Variants in LANCL3 observed in about 807,000 individuals in gnomAD.
The protein encoded by LANCL3 is LanC like family member 3.
LANCL3 carries 19 observed loss-of-function variants against 26.5 expected under a neutral mutation model. That is an observed-to-expected ratio of 0.72 (90% confidence interval 0.50 to 1.05). The LOEUF (loss-of-function observed/expected upper bound fraction) is 1.05, where lower values mean the gene tolerates loss of function less well. LANCL3 is among the 50% of genes least tolerant of loss of function. LANCL3 has a pLI of 0.00. For missense variants in LANCL3, 318 were observed against 362.7 expected (o/e 0.88, Z 1.00); for synonymous variants, 160 against 166.6 (o/e 0.96, Z 0.30).
intron 1 of LANCL3, among the ~76,000 whole-genome samples, chrX:37,574,976 A>G (rs1347268392): frequency 9.2e-6 from 1 of 108,378 alleles, no homozygotes; most frequent in Admixed American, 9.9e-5. Flanking sequence ...CCCAGGCTGG[A>G]GTGCAGTGGT....
chrX:37,659,472 C>T lies in LANCL3; in HGVS notation c.708C>T (p.His236=), dbSNP rs782377791. 36 of 1,206,212 alleles carry T rather than the reference C, an allele frequency of 3.0e-5. No homozygotes were observed. The highest frequency in any genetic ancestry group is 5.3e-5 in the African/African-American group (3 of 57,060). Residue 236 remains histidine, a synonymous_variant, in exon 3 of 5, where the codon CAC becomes CAT. Coordinates refer to ENST00000378619, the MANE Select transcript of LANCL3 (RefSeq NM_001170331.2). ...YYGTEYLGAA[H]GLSSILQMLL... ...TGTTTGTTAATACAGGGGCAGCTCA[C>T]GGCTTGTCGTCTATTCTTCAGATGC... is the stretch of plus-strand genomic sequence containing the variant.
intron 1 of LANCL3, among the ~76,000 whole-genome samples, chrX:37,641,342 A>T (rs1556425894): frequency 9.1e-6 from 1 of 110,147 alleles, no homozygotes; most frequent in Non-Finnish European, 1.9e-5. Context: ...GCAGATGAAT[A>T]CAGTGAAGCC....
chrX:37,665,346 T>C (rs921959163), intron 3 of LANCL3, among the ~76,000 whole-genome samples: 4 of 111,760 alleles, frequency 3.6e-5, no homozygotes, highest in African/African-American at 1.3e-4. Flanking sequence ...CCTGCCTCCA[T>C]GTCTTTGCCC....
chrX:37,669,429 T>G (rs1361281589), intron 4 of LANCL3, among the ~76,000 whole-genome samples: 2 of 111,074 alleles, frequency 1.8e-5, no homozygotes, highest in African/African-American at 6.6e-5. Context: ...AAGTAGGAGG[T>G]GATTGGATCC....
intron 3 of LANCL3, among the ~76,000 whole-genome samples, chrX:37,660,782 G>C (rs1357538581): frequency 1.8e-5 from 2 of 111,112 alleles, no homozygotes; most frequent in African/African-American, 3.3e-5. Context: ...GGGGGGTACA[G>C]TTTGAGTTGA....
chrX:37,616,821 A>G (rs1049933559), intron 1 of LANCL3, among the ~76,000 whole-genome samples: 1 of 111,786 alleles, frequency 8.9e-6, no homozygotes, highest in African/African-American at 3.3e-5. Flanking sequence ...CCAGCACATC[A>G]GTATCATCTA....
At chrX:37,661,391 A>G (rs1193011132) in intron 3 of LANCL3, among the ~76,000 whole-genome samples, 1 of 111,957 alleles carries the variant, frequency 8.9e-6, no homozygotes, top group African/African-American at 3.2e-5. Context: ...ATCCTCCTTT[A>G]TCATTCATGT....
At chrX:37,593,071 T>C (rs1391471837) in intron 1 of LANCL3, among the ~76,000 whole-genome samples, 1 of 111,900 alleles carries the variant, frequency 8.9e-6, no homozygotes, top group Admixed American at 9.5e-5. Context: ...AGTGTGAAAG[T>C]AGAAAACATA....
At chrX:37,600,263 C>T (rs1924543543) in intron 1 of LANCL3, among the ~76,000 whole-genome samples, 1 of 111,855 alleles carries the variant, frequency 8.9e-6, no homozygotes, top group Non-Finnish European at 1.9e-5. Flanking sequence ...TTGTTAATCT[C>T]ATACTATGAC....
intron 1 of LANCL3, among the ~76,000 whole-genome samples, chrX:37,618,973 A>G (rs1205749363): frequency 9.1e-6 from 1 of 110,459 alleles, no homozygotes; most frequent in South Asian, 3.9e-4. Flanking sequence ...TTCTCCTCTC[A>G]CTCTTAATCC....
At chrX:37,630,581 G>A (rs1402646942) in intron 1 of LANCL3, among the ~76,000 whole-genome samples, 1 of 109,307 alleles carries the variant, frequency 9.1e-6, no homozygotes, top group African/African-American at 3.4e-5. Flanking sequence ...GATATTGGCT[G>A]TGTGTTTGTC....
intron 1 of LANCL3, among the ~76,000 whole-genome samples, chrX:37,586,742 A>C (rs1247254914): frequency 7.2e-5 from 8 of 111,739 alleles, no homozygotes; most frequent in Non-Finnish European, 1.1e-4. Flanking sequence ...ATGGGTTCAA[A>C]CTTCCCCCTT....
chrX:37,646,460 G>T (rs950018761), intron 1 of LANCL3, among the ~76,000 whole-genome samples: 1 of 112,552 alleles, frequency 8.9e-6, no homozygotes, highest in Admixed American at 9.4e-5. Flanking sequence ...TAACCTAGTG[G>T]ATTCCAAGTG....
At chrX:37,614,335 T>C in intron 1 of LANCL3, among the ~76,000 whole-genome samples, 1 of 111,577 alleles carries the variant, frequency 9.0e-6, no homozygotes, top group African/African-American at 3.3e-5. Flanking sequence ...ACCTGGGTAT[T>C]AGTATTTCTG....
chrX:37,680,500 T>C lies in LANCL3; in HGVS notation c.*4687T>C, dbSNP rs1233642047. ...CTTCCACAAATGGCAAAGTCACTTA[T>C]CTGCAGAATTCCCAGAATCTTCTTT... On this transcript the variant is annotated 3_prime_UTR_variant, in exon 5 of 5. Coordinates refer to ENST00000378619, the MANE Select transcript of LANCL3 (RefSeq NM_001170331.2). 3 of 112,028 alleles carry C rather than the reference T, an allele frequency of 2.7e-5. No individual in the cohort carries two copies. Among genetic ancestry groups the C allele is most frequent in the African/African-American group, 3.2e-5 (1 of 30,775 alleles). The allele number at this position is 112,028 out of a possible 1,213,427, so 9.2% of individuals were successfully genotyped here.
intron 1 of LANCL3, among the ~76,000 whole-genome samples, chrX:37,607,769 T>C (rs1924757704): frequency 8.9e-6 from 1 of 112,174 alleles, no homozygotes; most frequent in African/African-American, 3.2e-5. Flanking sequence ...ATTATGAATC[T>C]ATTCTTAGGT....
intron 1 of LANCL3, among the ~76,000 whole-genome samples, chrX:37,572,983 A>C (rs1556415967): frequency 6.2e-5 from 7 of 112,142 alleles, no homozygotes. Context: ...TATTAAATGC[A>C]TATCTGATAG....
intron 1 of LANCL3, among the ~76,000 whole-genome samples, chrX:37,585,553 CCTTT>C (rs1206354589): frequency 8.9e-6 from 1 of 111,842 alleles, no homozygotes; most frequent in Non-Finnish European, 1.9e-5. Flanking sequence ...TTATGTAATG[CCTTT>C]CTTTGTCTCT....
At chrX:37,675,500 CTTT>C (rs1221782896) in intron 4 of LANCL3, among the ~76,000 whole-genome samples, 151 bp from the exon 5 acceptor site, 5 of 112,021 alleles carry the variant, frequency 4.5e-5, no homozygotes, top group African/African-American at 1.6e-4. Flanking sequence ...GGATCTTCTT[CTTT>C]AACAGAGAAA....
Sources: allele counts gnomAD v4.1 joint callset (sites outside exome capture counted in the v4.1 genomes callset), GRCh38; gene constraint gnomAD v4.1.1; transcripts MANE v1.5; gene names NCBI Gene and HGNC (gene_info 2026-07-23, HGNC 2026-07-21).